The following FKBP3 variants were observed in gnomAD, a reference collection of about 807,000 sequenced individuals.
FKBP3 encodes the protein peptidyl-prolyl cis-trans isomerase FKBP3.
Under a neutral mutation model 30.6 loss-of-function variants are expected in FKBP3, and 21 were observed. The observed-to-expected ratio is 0.69, with a 90% CI of 0.49 to 0.99. FKBP3 has a LOEUF of 0.99. Ranked by LOEUF, FKBP3 falls within the 50% of genes least tolerant of loss-of-function variation. FKBP3 has a pLI of 0.00. For synonymous variants in FKBP3, 82 were observed against 91.3 expected, an observed-to-expected ratio of 0.90 and a Z score of 0.58; for missense variants, 283 against 261.6, an observed-to-expected ratio of 1.08 and a Z score of -0.56.
intron 6 of FKBP3, 44 bp downstream of exon 6, chr14:45,117,984 T>TG: frequency 1.2e-6 from 1 of 808,114 alleles, no homozygotes; most frequent in Non-Finnish European, 1.8e-6. Flanking sequence ...GATCTAGACG[T>TG]TTTTTTTTTT....
chr14:45,129,476 T>G (rs1244182366), intron 3 of FKBP3, among the ~76,000 whole-genome samples: 1 of 152,246 alleles, frequency 6.6e-6, no homozygotes, highest in South Asian at 2.1e-4. Flanking sequence ...GTATTTCACT[T>G]AGTCCAACTT....
At chr14:45,130,270 T>C (rs532312889) in intron 2 of FKBP3, among the ~76,000 whole-genome samples, 7 of 152,228 alleles carry the variant, frequency 4.6e-5, no homozygotes, top group Admixed American at 1.3e-4. Flanking sequence ...TGTCTTAAAA[T>C]GTATTTTTGT....
chr14:45,129,886 C>A lies in FKBP3; in HGVS notation c.226G>T (p.Glu76Ter). The change falls in exon 3 of 7, where the codon GAA (glutamate) becomes TAA (stop). Residue 76 changes from glutamate to a stop codon, truncating the protein, a stop_gained. Coordinates refer to ENST00000396062, the MANE Select transcript of FKBP3 (RefSeq NM_002013.4). LOFTEE classifies it high-confidence loss of function. Reference sequence around the variant, plus strand: ...TGCTCAGACACTTTACTTATACTTTCAGTACCCTTAAAACGCTGTAAGGAA... The same window carrying A: ...TGCTCAGACACTTTACTTATACTTTAAGTACCCTTAAAACGCTGTAAGGAA... Reference protein sequence around the residue: ...LFETKRFKGTESISKVSEQVK... With the variant: ...LFETKRFKGT 1 of 1,610,920 alleles carries A rather than the reference C, an allele frequency of 6.2e-7. No individual in the cohort carries two copies. Among genetic ancestry groups the A allele is most frequent in the Non-Finnish European group, 8.5e-7 (1 of 1,178,030 alleles).
intron 3 of FKBP3, among the ~76,000 whole-genome samples, chr14:45,126,333 C>G (rs1885097138): frequency 6.6e-6 from 1 of 151,616 alleles, no homozygotes; most frequent in South Asian, 2.1e-4. Flanking sequence ...ACTAAAAATA[C>G]AAAAATTAAC....
intron 6 of FKBP3, among the ~76,000 whole-genome samples, chr14:45,117,521 G>A (rs1289516194): frequency 1.3e-5 from 2 of 151,998 alleles, no homozygotes; most frequent in African/African-American, 2.4e-5. Flanking sequence ...TTATCAGTGA[G>A]TATTGTCATT....
Position 45,131,120 on chromosome 14 carries a change from C to T in FKBP3, c.109-320G>A, listed in dbSNP as rs1385173706. 2.8e-5 allele frequency: 5 copies of T among 178,752 alleles called. No individual in the cohort carries two copies. In the East Asian group the frequency reaches 6.3e-4, roughly 22 times the overall value. The allele number at this position is 178,752 out of a possible 1,614,324, so 11.1% of individuals were successfully genotyped here. The stretch of plus-strand genomic sequence containing the variant: ...AGCACACTGTGGTGACTTGAGTCAG[C>T]TGCTCACTGCAGGAGGATACTTGGG... On this transcript the variant is annotated intron_variant, in intron 1 of 6. Coordinates refer to ENST00000396062, the MANE Select transcript of FKBP3 (RefSeq NM_002013.4).
chr14:45,118,225 A>C (rs1884899281), intron 5 of FKBP3, 100 bp from the exon 6 acceptor site: 1 of 663,076 alleles, frequency 1.5e-6, no homozygotes, highest in Non-Finnish European at 2.6e-6. Context: ...CAAACACAGA[A>C]TCTATTACTA....
chr14:45,118,180 T>A, intron 5 of FKBP3, 55 bp from the exon 6 acceptor site: 2 of 996,712 alleles, frequency 2.0e-6, no homozygotes, highest in African/African-American at 1.6e-5. Context: ...GCACATGCAA[T>A]ACCAGGACAG....
At chr14:45,118,474 TAAA>T (rs1239879695) in intron 5 of FKBP3, among the ~76,000 whole-genome samples, 1 of 151,566 alleles carries the variant, frequency 6.6e-6, no homozygotes, top group Non-Finnish European at 1.5e-5. Flanking sequence ...CTACTAAAAA[TAAA>T]AAAATTAGCT....
chr14:45,123,602 CTTTTTTTTTTTTTT>C (rs200242313), intron 3 of FKBP3, among the ~76,000 whole-genome samples: 18 of 84,302 alleles, frequency 2.1e-4, no homozygotes, highest in Admixed American at 6.5e-4. Context: ...CTCTCTACTC[CTTTTTTTTTTTTTT>C]TTTTTTTTTT....
At chr14:45,121,024 TTATTAAA>T in intron 4 of FKBP3, 70 bp from the exon 5 acceptor site, 2 of 1,253,276 alleles carry the variant, frequency 1.6e-6, no homozygotes, top group Non-Finnish European at 2.3e-6. Context: ...CCATTGGAAA[TTATTAAA>T]TTCCAGTGGA....
intron 3 of FKBP3, among the ~76,000 whole-genome samples, chr14:45,124,272 T>G (rs1210942749): frequency 6.6e-6 from 1 of 152,200 alleles, no homozygotes; most frequent in African/African-American, 2.4e-5. Context: ...TACTCACACC[T>G]GTAAACCCAG....
chr14:45,132,425 T>C (rs1473184373), intron 1 of FKBP3, among the ~76,000 whole-genome samples: 36 of 152,012 alleles, frequency 2.4e-4, no homozygotes, highest in Non-Finnish European at 1.5e-5. Context: ...TGAGACAGAG[T>C]CTAGCTCTGT....
intron 1 of FKBP3, 57 bp downstream of exon 1, chr14:45,134,292 A>C (rs2139093262): frequency 7.4e-7 from 1 of 1,346,862 alleles, no homozygotes; most frequent in Non-Finnish European, 1.1e-6. Context: ...GGGCATCTCC[A>C]GGGGGGTGAG....
chr14:45,124,094 T>C (rs1194025428), intron 3 of FKBP3, among the ~76,000 whole-genome samples: 2 of 152,208 alleles, frequency 1.3e-5, no homozygotes, highest in East Asian at 3.8e-4. Flanking sequence ...ATATTAACAA[T>C]TACTGCTTAT....
At chr14:45,131,495 G>A (rs1885212762) in intron 1 of FKBP3, among the ~76,000 whole-genome samples, 1 of 151,972 alleles carries the variant, frequency 6.6e-6, no homozygotes. Context: ...AGCTGGCCAT[G>A]GTGGCGCATG....
chr14:45,127,115 CT>C (rs1231283034), intron 3 of FKBP3, among the ~76,000 whole-genome samples: 242 of 120,560 alleles, frequency 2.0e-3, no homozygotes, highest in Admixed American at 2.3e-3. Flanking sequence ...CTGACCCTGT[CT>C]TTTTTTTTTT....
At chr14:45,123,352 T>TA (rs1296221024) in intron 3 of FKBP3, among the ~76,000 whole-genome samples, 1 of 152,012 alleles carries the variant, frequency 6.6e-6, no homozygotes, top group Admixed American at 6.6e-5. Context: ...CTCAAGGCCT[T>TA]ATTCCTAGGA....
In FKBP3 at chr14:45,127,115, C is replaced by CTTTTTTTT. The variant is rs1231283034; in HGVS notation, c.318+2671_318+2678dup. Among the ~76,000 whole-genome samples, 15 of 120,674 alleles carry CTTTTTTTT rather than the reference C, an allele frequency of 1.2e-4. 2 individuals carry two copies. The highest frequency in any genetic ancestry group is 5.6e-4 in the African/African-American group (15 of 26,984). 79.2% of individuals were successfully genotyped at this position (120,674 alleles called of 152,430 possible). A position where few individuals can be genotyped will look rare whatever the true frequency, so the allele number is the denominator to read the frequency against. ...AGCCACTGTACCTGACTGACCCTGT[C>CTTTTTTTT]TTTTTTTTTTTTTTTGAGACAGAGT... On this transcript the variant is annotated intron_variant, in intron 3 of 6. Transcript: ENST00000396062.
Sources: gnomAD v4.1 joint callset for allele counts (sites outside exome capture counted in the v4.1 genomes callset) on GRCh38, gnomAD v4.1.1 for gene constraint, MANE v1.5 for transcripts, NCBI Gene and HGNC (gene_info 2026-07-23, HGNC 2026-07-21) for gene names.